TRDN: variants seen among roughly 807,000 people sequenced by gnomAD.
TRDN encodes the protein triadin in skeletal muscle.
Under a neutral mutation model 149.7 loss-of-function variants are expected in TRDN, and 161 were observed. The observed-to-expected ratio is 1.08, with a 90% CI of 0.95 to 1.23. TRDN has a LOEUF of 1.23. TRDN is among the 50% of genes most tolerant of loss of function. The pLI, the probability that TRDN is intolerant of heterozygous loss-of-function variation, is 0.00. For synonymous variants in TRDN, 294 were observed against 250.5 expected (o/e 1.17, Z -1.64); for missense variants, 896 against 823.5 (o/e 1.09, Z -1.08).
At chr6:123,598,165 A>G (rs550357879) in intron 1 of TRDN, among the ~76,000 whole-genome samples, 1 of 152,134 alleles carries the variant, frequency 6.6e-6, no homozygotes, top group South Asian at 2.1e-4. Flanking sequence ...ATTTTCTGCA[A>G]ATGTAAATCA....
At chr6:123,296,571 AAATAT>A (rs71667103) in intron 24 of TRDN, among the ~76,000 whole-genome samples, 27,650 of 151,664 alleles carry the variant, frequency 0.18, 3,281 homozygotes, top group East Asian at 0.61. Context: ...TAAATATATA[AAATAT>A]AATATAAGAC....
rs565538741 is a variant in TRDN, at chr6:123,437,381, A to ATTTTT, written c.1051+677_1051+681dup. The ATTTTT allele has an allele frequency of 9.3e-4, 174 of 186,482 alleles. 6 individuals are homozygous for ATTTTT. Among genetic ancestry groups the ATTTTT allele is most frequent in the African/African-American group, 6.1e-3 (118 of 19,454 alleles). 11.6% of individuals were successfully genotyped at this position (186,482 alleles called of 1,614,324 possible). ...CTTTCTCTACTTTATTGAGATACAG[A>ATTTTT]TTTTTTTTTTTTTTTTTTTTTTTTT... is the stretch of plus-strand genomic sequence containing the variant. On this transcript the variant is annotated intron_variant, in intron 12 of 40. Coordinates refer to ENST00000334268, the MANE Select transcript of TRDN (RefSeq NM_006073.4).
chr6:123,419,979 G>A (rs776159029), intron 12 of TRDN, among the ~76,000 whole-genome samples: 7 of 152,104 alleles, frequency 4.6e-5, no homozygotes, highest in African/African-American at 1.2e-4. Context: ...TCAGTTTTTC[G>A]TCAGTACCCA....
chr6:123,307,406 C>A (rs1050041579), intron 24 of TRDN, among the ~76,000 whole-genome samples: 1 of 151,998 alleles, frequency 6.6e-6, no homozygotes, highest in Non-Finnish European at 1.5e-5. Context: ...GAATACTTCA[C>A]CCTATCATAA....
chr6:123,301,754 T>TATATATATATACATATATATATATAC (rs1554221683), intron 24 of TRDN, among the ~76,000 whole-genome samples: 8 of 66,278 alleles, frequency 1.2e-4, no homozygotes, highest in Admixed American at 1.9e-4. Flanking sequence ...TATATATACA[T>TATATATATATACATATATATATATAC]ATATATATAT....
chr6:123,627,372 A>G (rs9388273), intron 1 of TRDN, among the ~76,000 whole-genome samples: 67,175 of 152,120 alleles, frequency 0.44, 17,470 homozygotes, highest in African/African-American at 0.72. Context: ...GACCAGGTGC[A>G]TTGTCAATAA....
Position 123,351,711 on chromosome 6 carries a change from T to C in TRDN, c.1369+828A>G, listed in dbSNP as rs79176828. The C allele has an allele frequency of 1.1e-3, 1,000 of 930,422 alleles. 28 individuals carry two copies. The East Asian group carries it at 0.077, about 72-fold the overall frequency. 57.6% of individuals were successfully genotyped at this position (930,422 alleles called of 1,614,324 possible). ...ACTTCTGATATTAGGATTTCATACATTTAATTGCATCTCAAATTTGAAGGA... is the reference window on the plus strand; with the variant it reads ...ACTTCTGATATTAGGATTTCATACACTTAATTGCATCTCAAATTTGAAGGA... On this transcript the variant is annotated intron_variant, in intron 21 of 40. Coordinates refer to ENST00000334268, the MANE Select transcript of TRDN (RefSeq NM_006073.4).
At chr6:123,388,801 T>A (rs1320850324) in intron 13 of TRDN, among the ~76,000 whole-genome samples, 2 of 152,180 alleles carry the variant, frequency 1.3e-5, no homozygotes, top group African/African-American at 4.8e-5. Flanking sequence ...AAGTCAAATT[T>A]ATATGTATAT....
chr6:123,467,068 C>T (rs1303322283), intron 9 of TRDN, among the ~76,000 whole-genome samples: 2 of 151,980 alleles, frequency 1.3e-5, no homozygotes, highest in Non-Finnish European at 2.9e-5. Context: ...TTATTGCATA[C>T]TTATTATATA....
At chr6:123,573,261 T>G (rs1292662942) in intron 1 of TRDN, among the ~76,000 whole-genome samples, 1 of 152,090 alleles carries the variant, frequency 6.6e-6, no homozygotes, top group East Asian at 1.9e-4. Context: ...AGACTCAATT[T>G]GCAGGTGTGT....
chr6:123,434,805 A>G (rs1774485827), intron 12 of TRDN, among the ~76,000 whole-genome samples: 1 of 152,086 alleles, frequency 6.6e-6, no homozygotes, highest in South Asian at 2.1e-4. Flanking sequence ...ATTGGCAGGT[A>G]TTTATTTAAT....
At chr6:123,504,371 GC>G (rs931888161) in intron 7 of TRDN, among the ~76,000 whole-genome samples, 6 of 152,070 alleles carry the variant, frequency 3.9e-5, no homozygotes, top group East Asian at 1.9e-4. Flanking sequence ...AAACTGAAAT[GC>G]CAACAAAGTC....
chr6:123,492,762 C>T (rs1388016319), intron 9 of TRDN, among the ~76,000 whole-genome samples: 1 of 152,138 alleles, frequency 6.6e-6, no homozygotes, highest in African/African-American at 2.4e-5. Flanking sequence ...AAGAAAAAAA[C>T]CCATAAATTG....
chr6:123,554,450 A>C (rs1462047655), intron 2 of TRDN, among the ~76,000 whole-genome samples: 2 of 152,200 alleles, frequency 1.3e-5, no homozygotes, highest in East Asian at 3.8e-4. Context: ...CTAAAGAAAT[A>C]ATTTTAAGTG....
intron 38 of TRDN, 25 bp downstream of exon 38, chr6:123,252,387 T>G: frequency 7.0e-7 from 1 of 1,438,384 alleles, no homozygotes; most frequent in Non-Finnish European, 9.5e-7. Flanking sequence ...AAAGAGAACT[T>G]GTCATTAATA....
At chr6:123,241,369 T>C (rs1378630940) in intron 38 of TRDN, among the ~76,000 whole-genome samples, 6 of 151,408 alleles carry the variant, frequency 4.0e-5, no homozygotes, top group East Asian at 1.9e-4. Context: ...ACACTAAACA[T>C]GTAAATTCAG....
At chr6:123,592,887 A>G (rs1047485917) in intron 1 of TRDN, among the ~76,000 whole-genome samples, 1 of 152,192 alleles carries the variant, frequency 6.6e-6, no homozygotes, top group African/African-American at 2.4e-5. Flanking sequence ...AGAAAAATGA[A>G]AAACAGTTTA....
At chr6:123,601,974 G>A (rs894531129) in intron 1 of TRDN, among the ~76,000 whole-genome samples, 1 of 152,060 alleles carries the variant, frequency 6.6e-6, no homozygotes, top group African/African-American at 2.4e-5. Context: ...CTAGAACTCA[G>A]AGAGCTAGAC....
intron 14 of TRDN, among the ~76,000 whole-genome samples, chr6:123,386,265 A>G (rs1004722876): frequency 6.6e-6 from 1 of 152,214 alleles, no homozygotes; most frequent in African/African-American, 2.4e-5. Flanking sequence ...AAGTATTTTT[A>G]ATTGGTAGTA....
Sources: allele counts gnomAD v4.1 joint callset (sites outside exome capture counted in the v4.1 genomes callset), GRCh38; gene constraint gnomAD v4.1.1; transcripts MANE v1.5; gene names NCBI Gene and HGNC (gene_info 2026-07-23, HGNC 2026-07-21).